The following CATSPERE variants were observed in gnomAD, a reference collection of about 807,000 sequenced individuals.
The protein encoded by CATSPERE is cation channel sperm-associated auxiliary subunit epsilon.
CATSPERE carries 93 observed loss-of-function variants against 114.1 expected under a neutral mutation model. The observed-to-expected ratio is 0.81, with a 90% CI of 0.69 to 0.97. The LOEUF is 0.97. Ranked by LOEUF, CATSPERE falls within the 50% of genes least tolerant of loss-of-function variation. The probability of loss-of-function intolerance (pLI) is 0.00; values close to 1 mark genes in which losing one functional copy is unlikely to be tolerated. For missense variants in CATSPERE, 1,058 were observed against 1,131.6 expected (o/e 0.93, Z 0.93); for synonymous variants, 341 against 384.1 (o/e 0.89, Z 1.31).
At chr1:244,520,828 A>C (rs1415036960) in intron 8 of CATSPERE, among the ~76,000 whole-genome samples, 2 of 152,224 alleles carry the variant, frequency 1.3e-5, no homozygotes, top group African/African-American at 4.8e-5. Context: ...AAATTGACCC[A>C]AAAAATACAT....
At chr1:244,584,147 T>TA (rs959287407) in intron 13 of CATSPERE, among the ~76,000 whole-genome samples, 15 of 152,220 alleles carry the variant, frequency 9.9e-5, no homozygotes, top group Admixed American at 3.3e-4. Context: ...CATAATTTAA[T>TA]AAAAAAACAA....
intron 6 of CATSPERE, among the ~76,000 whole-genome samples, chr1:244,491,483 G>T (rs1558361286): frequency 6.6e-6 from 1 of 151,950 alleles, no homozygotes; most frequent in Non-Finnish European, 1.5e-5. Flanking sequence ...ATGCCCACAA[G>T]AGAAAGCAGG....
intron 8 of CATSPERE, among the ~76,000 whole-genome samples, chr1:244,521,063 T>G (rs1281774056): frequency 1.3e-5 from 2 of 152,116 alleles, no homozygotes; most frequent in Non-Finnish European, 2.9e-5. Context: ...TCAAATAAAT[T>G]TAGCAATAGG....
chr1:244,588,404 C>T, intron 13 of CATSPERE, 78 bp from the exon 14 acceptor site: 1 of 1,013,248 alleles, frequency 9.9e-7, no homozygotes, highest in Non-Finnish European at 1.6e-6. Context: ...ATCTAAAATG[C>T]AATTGGTTTT....
intron 8 of CATSPERE, among the ~76,000 whole-genome samples, chr1:244,543,357 A>C (rs1389684094): frequency 6.6e-6 from 1 of 152,112 alleles, no homozygotes; most frequent in Admixed American, 6.6e-5. Flanking sequence ...CCCGAAGGAC[A>C]TAACACTAAG....
At position 244,610,237 on chromosome 1, in the gene CATSPERE, C is replaced by T; in HGVS notation, c.2404-3C>T. The T allele has an allele frequency of 1.3e-6, 2 of 1,594,654 alleles. No homozygotes were observed. The highest frequency in any genetic ancestry group is 1.7e-6 in the Non-Finnish European group (2 of 1,168,628). Reference sequence around the variant, plus strand: ...CCCACATACATGTGCCATCTTTTGACAGAGTGGTTGTTTACATGAAGCACA... The same window carrying T: ...CCCACATACATGTGCCATCTTTTGATAGAGTGGTTGTTTACATGAAGCACA... On this transcript the variant is annotated splice_region_variant and splice_polypyrimidine_tract_variant and intron_variant, in intron 18 of 21. Transcript: ENST00000366534.
chr1:244,531,629 A>T (rs1198592345), intron 8 of CATSPERE, among the ~76,000 whole-genome samples: 1 of 152,124 alleles, frequency 6.6e-6, no homozygotes, highest in Non-Finnish European at 1.5e-5. Context: ...AATGTATCAC[A>T]TTGGTTGATT....
rs770707294 is a variant in CATSPERE, at chr1:244,591,745, T to C, written c.2189+14T>C. On this transcript the variant is annotated intron_variant, in intron 15 of 21. Transcript: ENST00000366534. ...CGTGATTGAAAAGTAAGAAATTTTT[T>C]AACATAAGCACTGAGTTTTATATTA... 1 of 1,468,624 alleles carries C rather than the reference T, an allele frequency of 6.8e-7. No homozygotes were observed. Among genetic ancestry groups the C allele is most frequent in the South Asian group, 1.2e-5 (1 of 85,034 alleles). 91.0% of individuals were successfully genotyped at this position (1,468,624 alleles called of 1,614,324 possible).
chr1:244,598,253 A>G (rs1485471686), intron 17 of CATSPERE: 3 of 152,290 alleles, frequency 2.0e-5, no homozygotes, highest in African/African-American at 7.2e-5. Context: ...ATTCAAAAAA[A>G]CTGATCATAT....
At chr1:244,520,334 A>C (rs184915248) in intron 8 of CATSPERE, among the ~76,000 whole-genome samples, 5 of 152,244 alleles carry the variant, frequency 3.3e-5, no homozygotes, top group Admixed American at 6.5e-5. Flanking sequence ...TAGGGGTCCA[A>C]ATGGATTCTT....
chr1:244,470,113 A>G (rs75949466), intron 2 of CATSPERE, among the ~76,000 whole-genome samples: 6,227 of 152,318 alleles, frequency 0.041, 191 homozygotes, highest in Non-Finnish European at 0.061. Context: ...AACATAAGGG[A>G]AAATCCGTGA....
intron 11 of CATSPERE, among the ~76,000 whole-genome samples, chr1:244,580,567 G>T (rs555091636): frequency 4.9e-4 from 74 of 152,168 alleles, no homozygotes; most frequent in African/African-American, 1.5e-3. Context: ...GCAAATTATT[G>T]TAAACCAAAC....
chr1:244,494,250 C>T (rs1436463427), intron 6 of CATSPERE, among the ~76,000 whole-genome samples: 2 of 151,962 alleles, frequency 1.3e-5, no homozygotes, highest in Non-Finnish European at 2.9e-5. Flanking sequence ...GGCACATATA[C>T]ACCATGGAAT....
intron 2 of CATSPERE, among the ~76,000 whole-genome samples, chr1:244,465,282 C>T (rs866205046): frequency 6.6e-6 from 1 of 152,172 alleles, no homozygotes; most frequent in African/African-American, 2.4e-5. Context: ...GATCCACCAG[C>T]CTCGGCCTCC....
intron 11 of CATSPERE, 105 bp from the exon 12 acceptor site, chr1:244,581,691 G>T (rs1363556156): frequency 1.7e-6 from 1 of 578,354 alleles, no homozygotes; most frequent in Non-Finnish European, 3.2e-6. Context: ...ATACCCTAAT[G>T]AAGGCATTTT....
chr1:244,494,512 T>G (rs1455626730), intron 6 of CATSPERE, among the ~76,000 whole-genome samples: 4 of 146,364 alleles, frequency 2.7e-5, no homozygotes, highest in Admixed American at 2.0e-4. Context: ...AAATGACGAG[T>G]TAATGGGTGC....
At chr1:244,459,005 T>C (rs1414215710), upstream of CATSPERE, among the ~76,000 whole-genome samples, 1 of 151,878 alleles carries the variant, frequency 6.6e-6, no homozygotes, top group Non-Finnish European at 1.5e-5. Flanking sequence ...GCCCAGGAAC[T>C]CCAAGTTATC....
At chr1:244,622,373 C>T (rs977861362) in intron 20 of CATSPERE, among the ~76,000 whole-genome samples, 1 of 150,784 alleles carries the variant, frequency 6.6e-6, no homozygotes, top group Non-Finnish European at 1.5e-5. Flanking sequence ...TATTTCCTAG[C>T]AGAATAACCT....
intron 6 of CATSPERE, among the ~76,000 whole-genome samples, chr1:244,495,723 AAAT>A (rs938873372): frequency 3.9e-5 from 6 of 152,066 alleles, no homozygotes; most frequent in South Asian, 2.1e-4. Flanking sequence ...CCATCTTAAA[AAAT>A]AATAATAATA....
Sources: allele counts gnomAD v4.1 joint callset (sites outside exome capture counted in the v4.1 genomes callset), GRCh38; gene constraint gnomAD v4.1.1; transcripts MANE v1.5; gene names NCBI Gene and HGNC (gene_info 2026-07-23, HGNC 2026-07-21).